The following CYREN variants were observed in gnomAD, a reference collection of about 807,000 sequenced individuals.
The protein encoded by CYREN is cell cycle regulator of NHEJ.
Under a neutral mutation model 9.7 loss-of-function variants are expected in CYREN, and 7 were observed. The ratio of observed to expected loss-of-function variants is 0.72; its 90% confidence interval spans 0.41 to 1.36. CYREN has a LOEUF of 1.36. Among genes scored for constraint, CYREN ranks in the 40% most tolerant of loss-of-function variants. The probability of loss-of-function intolerance (pLI) is 0.01; values close to 1 mark genes in which losing one functional copy is unlikely to be tolerated. For synonymous variants in CYREN, 76 were observed against 77.9 expected (o/e 0.98, Z 0.13); for missense variants, 215 against 198.1 (o/e 1.09, Z -0.51).
chr7:135,096,588 G>GATAGATAGATAGATAC (rs1563260175), intron 2 of CYREN, among the ~76,000 whole-genome samples: 16 of 120,306 alleles, frequency 1.3e-4, no homozygotes, highest in East Asian at 4.1e-4. Context: ...TAGATACATA[G>GATAGATAGATAGATAC]ATAGATAGAT....
In CYREN at chr7:135,169,056, G is replaced by A. The variant is rs2117549032; in HGVS notation, c.-134C>T. ...TTGTCCTCAGTGGGAGTTGATCTTT[G>A]ATTCCTACAAAGAACAATAAAGTCC... On this transcript the variant is annotated 5_prime_UTR_variant, in exon 2 of 4. Coordinates refer to ENST00000393114, the MANE Select transcript of CYREN (RefSeq NM_024033.4). 2.4e-6 allele frequency: 2 copies of A among 825,096 alleles called. No homozygotes were observed. The highest frequency in any genetic ancestry group is 3.7e-5 in the South Asian group (2 of 53,402). 51.1% of individuals were successfully genotyped at this position (825,096 alleles called of 1,614,324 possible).
chr7:135,140,388 C>T lies in CYREN; in HGVS notation n.356+28361G>A, dbSNP rs912306337. On this transcript the variant is annotated intron_variant and non_coding_transcript_variant, in intron 2 of 2. Coordinates refer to the CYREN transcript ENST00000459937. ...TGGACATTATTGGTGTATAAGAATG[C>T]TATTGATTTTTGTACATTGATTTTG... Among the ~76,000 whole-genome samples the T allele has an allele frequency of 1.3e-3, 201 of 149,174 alleles. 1 individual carries two copies. Among genetic ancestry groups the T allele is most frequent in the African/African-American group, 4.7e-3 (187 of 39,672 alleles).
At chr7:135,092,559 T>C (rs1822006639) in exon 3 of CYREN, 1 of 152,140 alleles carries the variant, frequency 6.6e-6, no homozygotes, top group Non-Finnish European at 1.5e-5. Context: ...TTGGGTACAA[T>C]GGTAAATAAA....
downstream of CYREN, chr7:135,164,517 T>G: frequency 6.2e-7 from 1 of 1,613,660 alleles, no homozygotes; most frequent in Non-Finnish European, 8.5e-7. Context: ...TGTGGTCATC[T>G]GCCTGATGTT....
At chr7:135,162,377 C>G (rs1237674818), downstream of CYREN, among the ~76,000 whole-genome samples, 1 of 152,210 alleles carries the variant, frequency 6.6e-6, no homozygotes, top group East Asian at 1.9e-4. Flanking sequence ...CCTCACAAAG[C>G]TTGAAGCTCT....
At chr7:135,107,861 C>A (rs1200436598) in intron 2 of CYREN, among the ~76,000 whole-genome samples, 1 of 152,078 alleles carries the variant, frequency 6.6e-6, no homozygotes, top group Non-Finnish European at 1.5e-5. Context: ...TTTTGTAGGT[C>A]TCTAGGAACT....
rs142432293 is a variant in CYREN, at chr7:135,123,143, C to T, written n.357-28561G>A. ...TAACCTAATGCAAAGAAGCTAAGAA[C>T]GTTGATAAAAGGTTAGAGTAGCTGC... On this transcript the variant is annotated intron_variant and non_coding_transcript_variant, in intron 2 of 2. Transcript: ENST00000459937. Among the ~76,000 whole-genome samples the T allele has an allele frequency of 1.2e-3, 183 of 152,158 alleles. 1 individual carries two copies. The highest frequency in any genetic ancestry group is 1.4e-3 in the Non-Finnish European group (92 of 67,998).
At chr7:135,113,975 T>C (rs1825978170) in intron 2 of CYREN, among the ~76,000 whole-genome samples, 1 of 152,220 alleles carries the variant, frequency 6.6e-6, no homozygotes, top group Non-Finnish European at 1.5e-5. Context: ...GTGTCTGGCT[T>C]ATTTTATTTT....
At chr7:135,150,977 T>C (rs578066987) in intron 2 of CYREN, among the ~76,000 whole-genome samples, 10 of 152,368 alleles carry the variant, frequency 6.6e-5, no homozygotes, top group Non-Finnish European at 1.2e-4. Context: ...TGAGAGCTAA[T>C]AGTCAACAAA....
intron 2 of CYREN, chr7:135,099,882 C>CTTTTTTTT (rs34324217): frequency 2.1e-4 from 13 of 62,702 alleles, no homozygotes; most frequent in Admixed American, 7.9e-4. Flanking sequence ...CTGAGTTTCT[C>CTTTTTTTT]TTTTTTTTTT....
At chr7:135,148,616 G>A (rs1829600630) in intron 2 of CYREN, among the ~76,000 whole-genome samples, 1 of 152,176 alleles carries the variant, frequency 6.6e-6, no homozygotes, top group African/African-American at 2.4e-5. Context: ...TGTGGCTTGT[G>A]CAATACACTG....
chr7:135,142,306 A>G (rs144305414), intron 2 of CYREN, among the ~76,000 whole-genome samples: 279 of 152,268 alleles, frequency 1.8e-3, no homozygotes, highest in African/African-American at 6.3e-3. Flanking sequence ...ATTTCTTTCC[A>G]TATATTTGCC....
intron 2 of CYREN, among the ~76,000 whole-genome samples, chr7:135,132,056 C>T (rs1174660371): frequency 1.3e-5 from 2 of 152,042 alleles, no homozygotes; most frequent in Non-Finnish European, 2.9e-5. Context: ...AAAAAGAAAT[C>T]ACCTGGCCTA....
Position 135,147,403 on chromosome 7 carries a change from T to C in CYREN, n.356+21346A>G, listed in dbSNP as rs538695572. Among the ~76,000 whole-genome samples the C allele has an allele frequency of 5.3e-4, 80 of 152,232 alleles. 1 individual carries two copies. The highest frequency in any genetic ancestry group is 9.0e-4 in the Non-Finnish European group (61 of 68,012). On this transcript the variant is annotated intron_variant and non_coding_transcript_variant, in intron 2 of 2. Coordinates refer to the CYREN transcript ENST00000459937. ...CCGCTGAAGGATTCAGCAATAGCAC[T>C]AGGTAGCAGTCTCATGTAACCAAGT...
At chr7:135,159,901 T>G (rs966595559) in intron 2 of CYREN, among the ~76,000 whole-genome samples, 8 of 152,174 alleles carry the variant, frequency 5.3e-5, no homozygotes. Flanking sequence ...CTGGGGAGGA[T>G]GGGATGAGAC....
At chr7:135,164,959 T>G (rs1562928318), downstream of CYREN, 4 of 1,608,594 alleles carry the variant, frequency 2.5e-6, no homozygotes, top group South Asian at 3.3e-5. Context: ...GTGTTCCCTC[T>G]GAGGGCTGAG....
chr7:135,092,343 A>G (rs1421621458), downstream of CYREN: 3 of 152,254 alleles, frequency 2.0e-5, no homozygotes, highest in African/African-American at 4.8e-5. Flanking sequence ...ATATAGCTAC[A>G]TAAAATTTTG....
chr7:135,099,000 C>T (rs1454658851), intron 2 of CYREN, among the ~76,000 whole-genome samples: 3 of 152,128 alleles, frequency 2.0e-5, no homozygotes, highest in Non-Finnish European at 4.4e-5. Flanking sequence ...TCTACTATTA[C>T]TACTAATTGC....
chr7:135,109,542 C>T (rs1389401301), intron 2 of CYREN, among the ~76,000 whole-genome samples: 1 of 152,072 alleles, frequency 6.6e-6, no homozygotes, highest in African/African-American at 2.4e-5. Flanking sequence ...CTTGTCACCT[C>T]GGATTTTTCA....
Sources: allele counts gnomAD v4.1 joint callset (sites outside exome capture counted in the v4.1 genomes callset), GRCh38; gene constraint gnomAD v4.1.1; transcripts MANE v1.5; gene names NCBI Gene and HGNC (gene_info 2026-07-23, HGNC 2026-07-21).